Variants in CFAP44 observed in about 807,000 individuals in gnomAD.
The protein encoded by CFAP44 is cilia- and flagella-associated protein 44.
A neutral mutation model predicts 216.2 loss-of-function variants in CFAP44; 134 were observed. The ratio of observed to expected loss-of-function variants is 0.62; its 90% confidence interval spans 0.54 to 0.72. CFAP44 has a LOEUF of 0.72. CFAP44 is among the 30% of genes least tolerant of loss of function. The probability of loss-of-function intolerance (pLI) is 0.00; values close to 1 mark genes in which losing one functional copy is unlikely to be tolerated. For synonymous variants in CFAP44, 700 were observed against 727.6 expected, an observed-to-expected ratio of 0.96 and a Z score of 0.61; for missense variants, 2,035 against 2,182.1, an observed-to-expected ratio of 0.93 and a Z score of 1.34.
chr3:113,383,911 C>T (rs554988513), intron 15 of CFAP44, among the ~76,000 whole-genome samples: 1 of 152,218 alleles, frequency 6.6e-6, no homozygotes, highest in Admixed American at 6.5e-5. Flanking sequence ...GCCCCCAACC[C>T]CCTGCCAGGC....
intron 18 of CFAP44, among the ~76,000 whole-genome samples, chr3:113,370,509 G>T (rs943744214): frequency 6.6e-6 from 1 of 152,108 alleles, no homozygotes; most frequent in Non-Finnish European, 1.5e-5. Context: ...ACGCAGAAAA[G>T]GCCTTCAACA....
chr3:113,393,550 G>A (rs1482228290), intron 15 of CFAP44, among the ~76,000 whole-genome samples: 6 of 152,004 alleles, frequency 3.9e-5, no homozygotes, highest in Non-Finnish European at 8.8e-5. Flanking sequence ...TTTGTGATAG[G>A]GTCTCACTCT....
intron 31 of CFAP44, among the ~76,000 whole-genome samples, chr3:113,304,526 C>A (rs1413575211): frequency 2.0e-5 from 3 of 152,124 alleles, no homozygotes; most frequent in Non-Finnish European, 2.9e-5. Flanking sequence ...AAGGAGAATA[C>A]AATAAGCCTT....
intron 15 of CFAP44, among the ~76,000 whole-genome samples, chr3:113,389,804 T>A (rs1933744796): frequency 6.6e-6 from 1 of 151,868 alleles, no homozygotes; most frequent in Non-Finnish European, 1.5e-5. Context: ...GACTGAACCA[T>A]GAAGAAATTC....
chr3:113,358,613 T>A, intron 22 of CFAP44, 132 bp downstream of exon 22: 1 of 1,159,484 alleles, frequency 8.6e-7, no homozygotes, highest in Admixed American at 3.4e-5. Context: ...GACAAGAGGA[T>A]TCCTTGAGAT....
At chr3:113,365,959 T>C (rs951780757) in intron 19 of CFAP44, 80 bp downstream of exon 19, 1 of 1,454,440 alleles carries the variant, frequency 6.9e-7, no homozygotes, top group African/African-American at 1.4e-5. Flanking sequence ...ACTTTTAATT[T>C]ATAACGAATA....
At chr3:113,294,117 T>TA (rs1949857550) in intron 34 of CFAP44, 1 of 453,940 alleles carries the variant, frequency 2.2e-6, no homozygotes, top group Non-Finnish European at 4.4e-6. Flanking sequence ...GTATATAACA[T>TA]AGAGTTTGGA....
intron 33 of CFAP44, among the ~76,000 whole-genome samples, chr3:113,296,312 G>A (rs892700900): frequency 1.3e-5 from 2 of 152,028 alleles, no homozygotes; most frequent in Admixed American, 1.3e-4. Flanking sequence ...TTCTTTGCCC[G>A]ACTGGTGTGA....
At chr3:113,426,067 C>A in intron 4 of CFAP44, 57 bp downstream of exon 4, 2 of 1,588,966 alleles carry the variant, frequency 1.3e-6, no homozygotes, top group South Asian at 1.2e-5. Flanking sequence ...AGTTTGCTGA[C>A]CTCTGACCTA....
intron 17 of CFAP44, 55 bp from the exon 18 acceptor site, chr3:113,373,611 T>A: frequency 4.4e-6 from 6 of 1,359,680 alleles, no homozygotes; most frequent in Non-Finnish European, 5.8e-6. Context: ...CACACATAAA[T>A]GCATGAGAAT....
In CFAP44 at chr3:113,427,515, G is replaced by A. The variant is rs1429366894; in HGVS notation, c.101-176C>T. Reference sequence around the variant, plus strand: ...TCTTGTAACTTTACAAAATAAGAAAGCCTTTTCTGTTTGTTAATCTCCATT... The same window carrying A: ...TCTTGTAACTTTACAAAATAAGAAAACCTTTTCTGTTTGTTAATCTCCATT... On this transcript the variant is annotated intron_variant, in intron 2 of 34. Transcript: ENST00000393845. 12 of 514,350 alleles carry A rather than the reference G, an allele frequency of 2.3e-5. No homozygotes were observed. In the Middle Eastern group the frequency reaches 1.5e-3, roughly 64 times the overall value. 31.9% of individuals were successfully genotyped at this position (514,350 alleles called of 1,614,324 possible).
chr3:113,379,633 TAGAA>T lies in CFAP44; in HGVS notation c.2053-86_2053-83del. ...ACACCATTAGGGATGACAATGAAAA[TAGAA>T]AGAAGATACACAGCTCTGTAACAAA... On this transcript the variant is annotated intron_variant, in intron 16 of 34. Coordinates refer to ENST00000393845, the MANE Select transcript of CFAP44 (RefSeq NM_001164496.2). The T allele has an allele frequency of 4.5e-6, 5 of 1,119,264 alleles. No homozygotes were observed. In the Admixed American group the frequency reaches 7.8e-5, roughly 17 times the overall value. The allele number at this position is 1,119,264 out of a possible 1,614,324, so 69.3% of individuals were successfully genotyped here.
chr3:113,401,742 T>G lies in CFAP44; in HGVS notation c.1171-3A>C. The G allele has an allele frequency of 6.3e-7, 1 of 1,592,518 alleles. No homozygotes were observed. The highest frequency in any genetic ancestry group is 8.5e-7 in the Non-Finnish European group (1 of 1,171,642). On this transcript the variant is annotated splice_region_variant and splice_polypyrimidine_tract_variant and intron_variant, in intron 9 of 34. Coordinates refer to ENST00000393845, the MANE Select transcript of CFAP44 (RefSeq NM_001164496.2). Reference sequence around the variant, plus strand: ...TCTATTGTCTCAAAATCCCATATCTTGTAAAATGAAAAGAAAATACTTTAA... The same window carrying G: ...TCTATTGTCTCAAAATCCCATATCTGGTAAAATGAAAAGAAAATACTTTAA...
chr3:113,340,512 C>A (rs1950322038), intron 24 of CFAP44, among the ~76,000 whole-genome samples: 1 of 152,186 alleles, frequency 6.6e-6, no homozygotes, highest in Non-Finnish European at 1.5e-5. Flanking sequence ...TCACCTTCCG[C>A]AATCCCCAGT....
chr3:113,420,922 T>C (rs187176746), intron 4 of CFAP44, among the ~76,000 whole-genome samples: 1 of 152,238 alleles, frequency 6.6e-6, no homozygotes, highest in East Asian at 1.9e-4. Context: ...TGTAGGTAAC[T>C]AGTGTGTGTG....
chr3:113,388,502 G>A (rs889020229), intron 15 of CFAP44, among the ~76,000 whole-genome samples: 3 of 152,034 alleles, frequency 2.0e-5, no homozygotes, highest in Admixed American at 2.0e-4. Context: ...AAATCAACCA[G>A]AAAACAAATA....
chr3:113,344,450 C>A, intron 23 of CFAP44, 66 bp downstream of exon 23: 1 of 1,393,512 alleles, frequency 7.2e-7, no homozygotes, highest in Non-Finnish European at 9.8e-7. Flanking sequence ...ATGGTTCTGT[C>A]CACAGACAAT....
At chr3:113,365,671 A>G (rs1950580130) in intron 19 of CFAP44, among the ~76,000 whole-genome samples, 1 of 152,210 alleles carries the variant, frequency 6.6e-6, no homozygotes, top group South Asian at 2.1e-4. Context: ...CATATGTCCT[A>G]TATCAGCCCT....
rs533656871 is a variant in CFAP44, at chr3:113,420,366, A to G, written c.408-187T>C. ...CAATTTTGTTTTTAAATTAGGTGAGAAAAAAAAGGCCTGGGCAGGAAAACA... is the reference window on the plus strand; with the variant it reads ...CAATTTTGTTTTTAAATTAGGTGAGGAAAAAAAGGCCTGGGCAGGAAAACA... On this transcript the variant is annotated intron_variant, in intron 4 of 34. Transcript: ENST00000393845. 5.9e-5 allele frequency among the ~76,000 whole-genome samples: 9 copies of G among 152,090 alleles called. 1 individual carries two copies. The South Asian group carries it at 1.5e-3, about 25-fold the overall frequency.
Sources: allele counts gnomAD v4.1 joint callset (sites outside exome capture counted in the v4.1 genomes callset), GRCh38; gene constraint gnomAD v4.1.1; transcripts MANE v1.5; gene names NCBI Gene and HGNC (gene_info 2026-07-23, HGNC 2026-07-21).